Variants in LINGO1 observed in about 807,000 individuals in gnomAD.
LINGO1 encodes the protein leucine rich repeat and Ig domain containing 1.
LINGO1 carries 11 observed loss-of-function variants against 37.3 expected under a neutral mutation model. The observed-to-expected ratio is 0.29, with a 90% CI of 0.19 to 0.49. The LOEUF is 0.49. LINGO1 is among the 20% of genes least tolerant of loss of function. LINGO1 has a pLI of 0.99. For synonymous variants in LINGO1, 387 were observed against 403.0 expected (o/e 0.96, Z 0.48); for missense variants, 585 against 878.2 (o/e 0.67, Z 4.22).
chr15:77,780,158 T>G (rs1306298788), intron 1 of LINGO1, among the ~76,000 whole-genome samples: 1 of 151,916 alleles, frequency 6.6e-6, no homozygotes, highest in Non-Finnish European at 1.5e-5. Context: ...AAGAACAAAA[T>G]AGTAGAATGT....
At chr15:77,700,727 A>C (rs1373533992), upstream of LINGO1, among the ~76,000 whole-genome samples, 1 of 152,182 alleles carries the variant, frequency 6.6e-6, no homozygotes. Flanking sequence ...CTGGGTGAGC[A>C]GGGGCGGGTA....
At chr15:77,670,331 T>C (rs892262477) in intron 3 of LINGO1, among the ~76,000 whole-genome samples, 32 of 152,258 alleles carry the variant, frequency 2.1e-4, no homozygotes, top group African/African-American at 7.2e-4. Context: ...TGCTTTAAAA[T>C]AGTGACTTTT....
At chr15:77,625,298 G>A (rs2074054829) in intron 1 of LINGO1, among the ~76,000 whole-genome samples, 1 of 152,182 alleles carries the variant, frequency 6.6e-6, no homozygotes, top group Non-Finnish European at 1.5e-5. Context: ...ACCCCTCGTA[G>A]GTGGCCTTTG....
intron 1 of LINGO1, among the ~76,000 whole-genome samples, chr15:77,760,272 C>A (rs1308511437): frequency 6.6e-6 from 1 of 152,150 alleles, no homozygotes; most frequent in East Asian, 1.9e-4. Flanking sequence ...AGGTGGGAGA[C>A]CAGGGGGCCT....
At chr15:77,681,790 G>A (rs1021183955) in intron 2 of LINGO1, among the ~76,000 whole-genome samples, 1 of 152,064 alleles carries the variant, frequency 6.6e-6, no homozygotes, top group Non-Finnish European at 1.5e-5. Flanking sequence ...AGTGGAGGAG[G>A]GAAAGTGGCA....
At chr15:77,634,373 A>G (rs2074352378), upstream of LINGO1, 4 of 455,580 alleles carry the variant, frequency 8.8e-6, no homozygotes, top group Non-Finnish European at 1.8e-5. Context: ...CCTGTCTCCT[A>G]TGTCTATGCC....
intron 1 of LINGO1, among the ~76,000 whole-genome samples, chr15:77,814,104 A>C (rs994267365): frequency 2.0e-5 from 3 of 152,110 alleles, no homozygotes; most frequent in Non-Finnish European, 4.4e-5. Flanking sequence ...ACTGGCTACC[A>C]GTCCATGACA....
intron 1 of LINGO1, among the ~76,000 whole-genome samples, chr15:77,619,464 C>G (rs1371714499): frequency 6.6e-6 from 1 of 152,050 alleles, no homozygotes; most frequent in East Asian, 1.9e-4. Flanking sequence ...GCAGGAGGAT[C>G]ACCTGAAGCC....
intron 1 of LINGO1, among the ~76,000 whole-genome samples, chr15:77,752,999 C>T (rs1419490920): frequency 6.6e-6 from 1 of 152,252 alleles, no homozygotes; most frequent in Admixed American, 6.5e-5. Flanking sequence ...ACCTGCTCTG[C>T]CTCACATCTC....
At chr15:77,790,632 G>A (rs2076811296), upstream of LINGO1, among the ~76,000 whole-genome samples, 1 of 152,312 alleles carries the variant, frequency 6.6e-6, no homozygotes, top group South Asian at 2.1e-4. Context: ...CAGGGGTGGA[G>A]GGAGGCAGGT....
chr15:77,614,458 C>T lies in LINGO1; in HGVS notation c.1449G>A (p.Glu483=). The change falls in exon 2 of 2, where the codon GAG becomes GAA. Residue 483 remains glutamate, a synonymous_variant. Transcript: ENST00000355300. Reference sequence around the variant, plus strand: ...TGTCCTGTACCTGGGCGTAGCGCACCTCCAGCGTGCCATCAGGGAAGACTG... The same window carrying T: ...TGTCCTGTACCTGGGCGTAGCGCACTTCCAGCGTGCCATCAGGGAAGACTG... ...RLTVFPDGTL[E]VRYAQVQDNG... 6.2e-7 allele frequency: 1 copy of T among 1,610,940 alleles called. No homozygotes were observed. The highest frequency in any genetic ancestry group is 1.3e-5 in the African/African-American group (1 of 75,054).
chr15:77,717,766 C>T (rs145890558), intron 2 of LINGO1, among the ~76,000 whole-genome samples: 4 of 150,782 alleles, frequency 2.7e-5, no homozygotes, highest in Non-Finnish European at 4.4e-5. Flanking sequence ...CAGGGTGCAG[C>T]GGAGGCCCTG....
At position 77,659,378 on chromosome 15, in the gene LINGO1, A is replaced by G. The variant is rs1006003437; in HGVS notation, c.-13+17711T>C. 2.0e-5 allele frequency among the ~76,000 whole-genome samples: 3 copies of G among 152,168 alleles called. No homozygotes were observed. In the East Asian group the frequency reaches 5.8e-4, roughly 30 times the overall value. ...CTTGCTGAGAGAGACAGGTGCAATC[A>G]TGCCCTACCTAGGACTCCCCCATCC... On this transcript the variant is annotated intron_variant, in intron 3 of 3. Coordinates refer to the LINGO1 transcript ENST00000559893.
intron 1 of LINGO1, among the ~76,000 whole-genome samples, chr15:77,777,955 G>T (rs571402623): frequency 2.5e-4 from 38 of 150,708 alleles, no homozygotes; most frequent in South Asian, 1.9e-3. Flanking sequence ...AAGGAATGAA[G>T]GAAGGGAGGG....
intron 3 of LINGO1, chr15:77,642,057 C>T (rs964041788): frequency 8.9e-6 from 4 of 448,276 alleles, no homozygotes; most frequent in Non-Finnish European, 1.8e-5. Context: ...AGAGCATATG[C>T]GTGTGACATT....
chr15:77,790,428 C>T (rs117115795), upstream of LINGO1, among the ~76,000 whole-genome samples: 3 of 152,154 alleles, frequency 2.0e-5, no homozygotes, highest in African/African-American at 4.8e-5. Flanking sequence ...CTAAAGCTCT[C>T]GACACCTGTA....
chr15:77,791,632 A>C (rs557264512), upstream of LINGO1, among the ~76,000 whole-genome samples: 15 of 152,154 alleles, frequency 9.9e-5, no homozygotes, highest in South Asian at 2.9e-3. Flanking sequence ...TTGAGGGGGA[A>C]CATGACCTGG....
At chr15:77,731,628 C>G (rs1241106870) in intron 2 of LINGO1, among the ~76,000 whole-genome samples, 1 of 152,174 alleles carries the variant, frequency 6.6e-6, no homozygotes, top group Non-Finnish European at 1.5e-5. Context: ...TCTCCTCACT[C>G]TCCTCCCTGC....
chr15:77,804,596 A>G (rs1484693785), intron 1 of LINGO1, among the ~76,000 whole-genome samples: 2 of 152,170 alleles, frequency 1.3e-5, no homozygotes, highest in African/African-American at 2.4e-5. Flanking sequence ...GGGCTAGACA[A>G]GGTGGTTCAC....
Sources: gnomAD v4.1 joint callset for allele counts (sites outside exome capture counted in the v4.1 genomes callset) on GRCh38, gnomAD v4.1.1 for gene constraint, MANE v1.5 for transcripts, NCBI Gene and HGNC (gene_info 2026-07-23, HGNC 2026-07-21) for gene names.